The following NLRC5 variants were observed in gnomAD, a reference collection of about 807,000 sequenced individuals.
NLRC5 encodes NLR family CARD domain containing 5.
Under a neutral mutation model 206.9 loss-of-function variants are expected in NLRC5, and 114 were observed. That is an observed-to-expected ratio of 0.55 (90% CI 0.47 to 0.64). The LOEUF (loss-of-function observed/expected upper bound fraction) is 0.64. NLRC5 is among the 30% of genes least tolerant of loss of function. The pLI is 0.00. For missense variants in NLRC5, 2,008 were observed against 2,305.5 expected, an observed-to-expected ratio of 0.87 and a Z score of 2.64; for synonymous variants, 952 against 962.8, an observed-to-expected ratio of 0.99 and a Z score of 0.21.
At chr16:57,077,654 CA>C in intron 41 of NLRC5, 64 bp from the exon 42 acceptor site, 1 of 1,474,232 alleles carries the variant, frequency 6.8e-7, no homozygotes, top group South Asian at 1.3e-5. Context: ...GCAGACCCAG[CA>C]GATGTGCTGG....
At chr16:56,999,308 A>G (rs2057991565) in intron 1 of NLRC5, among the ~76,000 whole-genome samples, 1 of 152,166 alleles carries the variant, frequency 6.6e-6, no homozygotes, top group Non-Finnish European at 1.5e-5. Flanking sequence ...AAGGCTGTCC[A>G]TTTTGCTTTC....
rs2069303836 is a variant in NLRC5, at chr16:57,082,778, C to T, written c.*250C>T. 5.0e-6 allele frequency: 2 copies of T among 401,620 alleles called. No homozygotes were observed. The highest frequency in any genetic ancestry group is 8.9e-6 in the Non-Finnish European group (2 of 223,744). The allele number at this position is 401,620 out of a possible 1,614,324, so 24.9% of individuals were successfully genotyped here. Reference sequence around the variant, plus strand: ...TGTGATCAATTGGGGACATGCGACACACAATGAGGGTGTCATGACAATGCA... The same window carrying T: ...TGTGATCAATTGGGGACATGCGACATACAATGAGGGTGTCATGACAATGCA... On this transcript the variant is annotated 3_prime_UTR_variant, in exon 49 of 49. Transcript: ENST00000688547.
chr16:57,041,522 C>T lies in NLRC5; in HGVS notation c.2977C>T (p.Gln993Ter), dbSNP rs546634408. Reference protein sequence around the residue: ...HCGLQEKHLEQLCKALGGSCH... With the variant: ...HCGLQEKHLE ...TGGCCTCCAAGAAAAGCACCTAGAGCAGCTCTGCAAGGCTCTGGGAGGAAG... is the reference window on the plus strand; with the variant it reads ...TGGCCTCCAAGAAAAGCACCTAGAGTAGCTCTGCAAGGCTCTGGGAGGAAG... The change falls in exon 18 of 49, where the codon CAG (glutamine) becomes TAG (stop). Residue 993 changes from glutamine to a stop codon, truncating the protein, a stop_gained. Transcript: ENST00000688547. LOFTEE classifies it high-confidence loss of function. The T allele has an allele frequency of 1.9e-6, 3 of 1,614,160 alleles. No individual in the cohort carries two copies. The highest frequency in any genetic ancestry group is 1.3e-5 in the African/African-American group (1 of 75,036).
At chr16:57,065,097 A>T in intron 32 of NLRC5, 115 bp from the exon 33 acceptor site, 1 of 518,344 alleles carries the variant, frequency 1.9e-6, no homozygotes, top group Non-Finnish European at 3.1e-6. Context: ...GAGCAAAAAA[A>T]ACTCAAAAAG....
At chr16:57,059,438 C>T (rs771855995) in intron 29 of NLRC5, 29 bp from the exon 30 acceptor site, 9 of 1,587,608 alleles carry the variant, frequency 5.7e-6, no homozygotes, top group Admixed American at 1.8e-5. Context: ...GTCTGGGCAC[C>T]GTGCTTCCCC....
chr16:57,073,363 C>G (rs1597448194), intron 38 of NLRC5, among the ~76,000 whole-genome samples: 2 of 152,286 alleles, frequency 1.3e-5, no homozygotes, highest in East Asian at 3.9e-4. Context: ...CAGGCAGTTA[C>G]CCTCAAATCC....
chr16:57,082,332 T>C, intron 48 of NLRC5, 85 bp from the exon 49 acceptor site: 1 of 1,080,332 alleles, frequency 9.3e-7, no homozygotes, highest in Non-Finnish European at 1.4e-6. Flanking sequence ...AGCTCTACCT[T>C]TTTGGGCCTC....
intron 26 of NLRC5, 98 bp from the exon 27 acceptor site, chr16:57,055,335 C>A: frequency 8.5e-7 from 1 of 1,180,676 alleles, no homozygotes; most frequent in Non-Finnish European, 1.2e-6. Flanking sequence ...TGGAGACCCA[C>A]CTGGAGCCCA....
Position 57,082,561 on chromosome 16 carries a change from G to A in NLRC5, c.*33G>A. ...CTCAAGACCTTTGGAATCCAGCCAA[G>A]TGATGCACCCAAATGATCCACCTTT... is the stretch of plus-strand genomic sequence containing the variant. On this transcript the variant is annotated 3_prime_UTR_variant, in exon 49 of 49. Transcript: ENST00000688547. 1.4e-6 allele frequency: 2 copies of A among 1,478,212 alleles called. No homozygotes were observed. Among genetic ancestry groups the A allele is most frequent in the Non-Finnish European group, 9.4e-7 (1 of 1,060,810 alleles). The allele number at this position is 1,478,212 out of a possible 1,614,324, so 91.6% of individuals were successfully genotyped here.
At position 57,047,780 on chromosome 16, in the gene NLRC5, C is replaced by G; in HGVS notation, c.3422+152C>G. On this transcript the variant is annotated intron_variant, in intron 23 of 48. Transcript: ENST00000688547. Reference sequence around the variant, plus strand: ...AGAGTCCCCTGGCCTTTGGTAGAAACTTGGCTGTCTCTCGGCAGCCCCCAG... The same window carrying G: ...AGAGTCCCCTGGCCTTTGGTAGAAAGTTGGCTGTCTCTCGGCAGCCCCCAG... 11 of 671,500 alleles carry G rather than the reference C, an allele frequency of 1.6e-5. No homozygotes were observed. The South Asian group carries it at 1.7e-4, about 11-fold the overall frequency. 41.6% of individuals were successfully genotyped at this position (671,500 alleles called of 1,614,324 possible).
At chr16:57,067,267 T>C (rs2067175043) in intron 34 of NLRC5, 120 bp from the exon 35 acceptor site, 2 of 809,300 alleles carry the variant, frequency 2.5e-6, no homozygotes, top group East Asian at 2.5e-5. Context: ...TAGCAAACTG[T>C]AGGACTTCAT....
intron 2 of NLRC5, 21 bp from the exon 3 acceptor site, chr16:57,020,680 C>T (rs750213299): frequency 1.9e-6 from 3 of 1,591,722 alleles, no homozygotes; most frequent in Non-Finnish European, 8.5e-7. Flanking sequence ...CTCAACTCAC[C>T]TATCTTCCCT....
At chr16:57,054,397 T>C (rs1305885225) in intron 24 of NLRC5, among the ~76,000 whole-genome samples, 2 of 152,222 alleles carry the variant, frequency 1.3e-5, no homozygotes, top group Middle Eastern at 3.4e-3. Context: ...GTAAAAACAA[T>C]AGTAATAATA....
rs1567554725 is a variant in NLRC5 at position 57,026,560 on chromosome 16, G to C, written c.1617G>C (p.Gln539His). 6.2e-7 allele frequency: 1 copy of C among 1,614,182 alleles called. No homozygotes were observed. Among genetic ancestry groups the C allele is most frequent in the East Asian group, 2.2e-5 (1 of 44,876 alleles). Residue 539 changes from glutamine (Q) to histidine (H), a missense_variant, in exon 6 of 49, where the codon CAG (glutamine) becomes CAC (histidine). Transcript: ENST00000688547. ...AGGTGAACAAAGACACACTTACCCA[G>C]TATGTTACCCTCCATTCCCGCTGGG... ...SPKVNKDTLT[Q>H]YVTLHSRWVQ... is the part of the protein sequence containing the mutation.
At chr16:56,998,569 C>T (rs543004054) in intron 1 of NLRC5, among the ~76,000 whole-genome samples, 1 of 152,274 alleles carries the variant, frequency 6.6e-6, no homozygotes, top group East Asian at 1.9e-4. Context: ...CTGGCGTCAC[C>T]CAGCCTGCAG....
chr16:57,034,253 T>C lies in NLRC5; in HGVS notation c.2627+2T>C. 1 of 1,610,988 alleles carries C rather than the reference T, an allele frequency of 6.2e-7. No individual in the cohort carries two copies. The highest frequency in any genetic ancestry group is 8.5e-7 in the Non-Finnish European group (1 of 1,178,754). The stretch of plus-strand genomic sequence containing the variant: ...AGGCCCTCACCTGGAGGAAGTGGAG[T>C]GAGTATCACGGGAAGCCCTGGCGTA... On this transcript the variant is annotated splice_donor_variant, in intron 13 of 48. Transcript: ENST00000688547. LOFTEE classifies it high-confidence loss of function.
In NLRC5 at chr16:57,065,269, C is replaced by T; in HGVS notation, c.4212C>T (p.Ala1404=). 6.3e-7 allele frequency: 1 copy of T among 1,582,642 alleles called. No homozygotes were observed. The change falls in exon 33 of 49, where the codon GCC becomes GCT. Residue 1404 remains alanine (A), a synonymous_variant. Transcript: ENST00000688547. The part of the protein sequence containing the change: ...ARVLSLLEVC[A]QASGSVTEIS... ...TTCTCTCCCTGTTAGAAGTCTGCGC[C>T]CAGGCCTCAGGCAGTGTCACTGAAA...
chr16:57,006,413 C>CTTTTTTTTTTTTTT lies in NLRC5; in HGVS notation c.-127-10651_-127-10638dup, dbSNP rs58713490. 7.7e-5 allele frequency among the ~76,000 whole-genome samples: 7 copies of CTTTTTTTTTTTTTT among 90,818 alleles called. 1 individual carries two copies. Among genetic ancestry groups the CTTTTTTTTTTTTTT allele is most frequent in the African/African-American group, 1.2e-4 (3 of 24,666 alleles). 59.6% of individuals were successfully genotyped at this position (90,818 alleles called of 152,430 possible). On this transcript the variant is annotated intron_variant, in intron 1 of 48. Coordinates refer to ENST00000688547, the MANE Select transcript of NLRC5 (RefSeq NM_001384950.1). ...ATTCCATAAAGTTCATCTTCATCCT[C>CTTTTTTTTTTTTTT]TTTTTTTTTTTTTTTTTTTTTTTGA...
chr16:57,028,453 T>G, intron 8 of NLRC5, 68 bp downstream of exon 8: 1 of 1,265,598 alleles, frequency 7.9e-7, no homozygotes, highest in Non-Finnish European at 1.2e-6. Context: ...AGAGTCCCCC[T>G]GGGGCCTGCA....
Sources: allele counts gnomAD v4.1 joint callset (sites outside exome capture counted in the v4.1 genomes callset), GRCh38; gene constraint gnomAD v4.1.1; transcripts MANE v1.5; gene names NCBI Gene and HGNC (gene_info 2026-07-23, HGNC 2026-07-21).